The following GSE1 variants were observed in gnomAD, a reference collection of about 807,000 sequenced individuals.
GSE1 encodes Gse1 coiled-coil protein, also known as genetic suppressor element 1.
In GSE1, 32 loss-of-function variants were observed where a neutral mutation model predicts 112.6. The ratio of observed to expected loss-of-function variants is 0.28; its 90% CI spans 0.21 to 0.38. The LOEUF (loss-of-function observed/expected upper bound fraction) is 0.38, where lower values mean the gene tolerates loss of function less well. GSE1 is among the 10% of genes least tolerant of loss of function. The pLI is 1.00. For synonymous variants in GSE1, 1,115 were observed against 735.6 expected (o/e 1.52, Z -8.35); for missense variants, 2,348 against 1,699.2 (o/e 1.38, Z -6.71).
intron 1 of GSE1, among the ~76,000 whole-genome samples, chr16:85,309,485 C>T (rs2045770981): frequency 1.4e-5 from 2 of 147,102 alleles, no homozygotes; most frequent in South Asian, 2.4e-4. Context: ...CAGAGCCAGA[C>T]CCTGTCTCTA....
intron 1 of GSE1, among the ~76,000 whole-genome samples, chr16:85,337,307 C>CT (rs750709031): frequency 0.073 from 9,720 of 133,446 alleles, 401 homozygotes; most frequent in African/African-American, 0.086. Flanking sequence ...CTTTTCTTTT[C>CT]TTTTTTTTTT....
intron 1 of GSE1, among the ~76,000 whole-genome samples, chr16:85,281,147 C>T (rs1386320404): frequency 6.6e-6 from 1 of 152,204 alleles, no homozygotes; most frequent in Non-Finnish European, 1.5e-5. Context: ...ATCACCTCCA[C>T]AAAGCCTTAG....
chr16:85,562,592 G>A (rs1055394845), intron 1 of GSE1, among the ~76,000 whole-genome samples: 5 of 152,232 alleles, frequency 3.3e-5, no homozygotes, highest in East Asian at 1.9e-4. Flanking sequence ...GGGTGGGAGC[G>A]GCAGGTGGCC....
At chr16:85,589,334 G>C (rs2046861074) in intron 1 of GSE1, among the ~76,000 whole-genome samples, 1 of 152,210 alleles carries the variant, frequency 6.6e-6, no homozygotes, top group Non-Finnish European at 1.5e-5. Context: ...CAGGTGGAGA[G>C]GGAGAGGGCT....
At chr16:85,522,779 G>A (rs1370418586) in intron 2 of GSE1, among the ~76,000 whole-genome samples, 1 of 152,102 alleles carries the variant, frequency 6.6e-6, no homozygotes, top group African/African-American at 2.4e-5. Context: ...GTAAATGGGT[G>A]TGTGCATGTG....
rs533408587 is a variant in GSE1, at chr16:85,252,883, G to A, written c.2283+81076G>A. ...GCCTCAGTTTGGCTGCCTGTAATGT[G>A]GGATGACCACAGGCTCGGCTCCCTT... On this transcript the variant is annotated intron_variant, in intron 1 of 2. Coordinates refer to the GSE1 transcript ENST00000637419. Among the ~76,000 whole-genome samples the A allele has an allele frequency of 2.6e-5, 4 of 152,336 alleles. No individual in the cohort carries two copies. In the South Asian group the frequency reaches 8.3e-4, roughly 32 times the overall value.
chr16:85,519,385 C>A (rs1598042625), intron 2 of GSE1, among the ~76,000 whole-genome samples: 1 of 86,104 alleles, frequency 1.2e-5, no homozygotes, highest in East Asian at 6.2e-4. Flanking sequence ...ATCATCATCA[C>A]CTTCACCACC....
In GSE1 at chr16:85,327,874, G is replaced by A. The variant is rs117252647; in HGVS notation, c.2284-29589G>A. Reference sequence around the variant, plus strand: ...ACAGCCTGTCATATACAGGCTATTTGGGAGGATGTTGTCTTTCCTCCTTGA... The same window carrying A: ...ACAGCCTGTCATATACAGGCTATTTAGGAGGATGTTGTCTTTCCTCCTTGA... On this transcript the variant is annotated intron_variant, in intron 1 of 2. Transcript: ENST00000637419. 2.8e-3 allele frequency among the ~76,000 whole-genome samples: 432 copies of A among 152,238 alleles called. 2 individuals are homozygous for A. The highest frequency in any genetic ancestry group is 5.0e-3 in the Admixed American group (77 of 15,302).
chr16:85,257,052 G>A (rs35412209), intron 1 of GSE1, among the ~76,000 whole-genome samples: 14,264 of 152,224 alleles, frequency 0.094, 710 homozygotes, highest in Middle Eastern at 0.17. Context: ...ACATAGGGAG[G>A]TTGAAGAGAT....
intron 2 of GSE1, among the ~76,000 whole-genome samples, chr16:85,491,112 G>A (rs547209825): frequency 5.8e-4 from 89 of 152,318 alleles, no homozygotes; most frequent in African/African-American, 2.0e-3. Flanking sequence ...AAGCCCTGTC[G>A]CAGGGGGCGG....
intron 2 of GSE1, among the ~76,000 whole-genome samples, chr16:85,388,292 G>GGATGGA (rs2047740407): frequency 2.1e-5 from 1 of 47,628 alleles, no homozygotes; most frequent in African/African-American, 9.2e-5. Flanking sequence ...GGATGGGTGG[G>GGATGGA]TGGATGGATG....
chr16:85,511,445 T>A (rs1040048110), intron 2 of GSE1, among the ~76,000 whole-genome samples: 2 of 151,832 alleles, frequency 1.3e-5, no homozygotes, highest in African/African-American at 2.4e-5. Flanking sequence ...GGAGAATCGC[T>A]TGAACCCAGG....
At chr16:85,228,266 G>A (rs541730060) in intron 1 of GSE1, among the ~76,000 whole-genome samples, 34 of 152,370 alleles carry the variant, frequency 2.2e-4, no homozygotes, top group South Asian at 6.2e-4. Context: ...GCTTTGCGAC[G>A]GGTTTGTTTG....
chr16:85,463,014 C>G (rs903906762), intron 2 of GSE1: 2 of 781,278 alleles, frequency 2.6e-6, no homozygotes, highest in Non-Finnish European at 3.1e-6. Context: ...CTGCTCGCCT[C>G]CGCCGCGGGC....
At chr16:85,279,535 G>A (rs942539854) in intron 1 of GSE1, among the ~76,000 whole-genome samples, 2 of 152,178 alleles carry the variant, frequency 1.3e-5, no homozygotes, top group Non-Finnish European at 2.9e-5. Context: ...GGTGGAGGTT[G>A]CAGTGAGTCA....
chr16:85,222,322 C>G (rs1296465711), intron 1 of GSE1, among the ~76,000 whole-genome samples: 1 of 152,234 alleles, frequency 6.6e-6, no homozygotes, highest in African/African-American at 2.4e-5. Context: ...GCACGGCTCT[C>G]CAGCCCAGGC....
chr16:85,657,369 A>G lies in GSE1; in HGVS notation c.1405A>G (p.Ile469Val), dbSNP rs1027490627. 6 of 1,612,258 alleles carry G rather than the reference A, an allele frequency of 3.7e-6. No homozygotes were observed. The African/African-American group carries it at 8.0e-5, about 22-fold the overall frequency. The stretch of plus-strand genomic sequence containing the variant: ...CCCACACCACACGGTGCCCAGCCTC[A>G]TCTCCAACCATGGCATCTTCTCTCT... ...PTPHHTVPSL[I>V]SNHGIFSLPS... The change falls in exon 8 of 16, where the codon ATC becomes GTC. Residue 469 changes from isoleucine to valine, a missense_variant. Physicochemically the swap from Ile to Val is conservative, Grantham distance 29. Transcript: ENST00000253458.
In GSE1 at chr16:85,673,411, GGTTTGGGGGATTTTTGTTTGTTTTTCCT is replaced by G. The variant is rs2053495032; in HGVS notation, c.*882_*909del. 6.6e-6 allele frequency: 1 copy of G among 151,300 alleles called. No individual in the cohort carries two copies. The highest frequency in any genetic ancestry group is 6.6e-5 in the Admixed American group (1 of 15,188). 9.4% of individuals were successfully genotyped at this position (151,300 alleles called of 1,614,324 possible). A position where few individuals can be genotyped will look rare whatever the true frequency, so the allele number is the denominator to read the frequency against. ...AAAAAGCCTGCCATTTTTAATATGT[GGTTTGGGGGATTTTTGTTTGTTTTTCCT>G]GTTTGGGGGTTTTGTTTGTTGTTTT... On this transcript the variant is annotated 3_prime_UTR_variant, in exon 16 of 16. Coordinates refer to ENST00000253458, the MANE Select transcript of GSE1 (RefSeq NM_014615.5).
At chr16:85,205,606 C>G (rs2075101288) in intron 1 of GSE1, among the ~76,000 whole-genome samples, 1 of 151,938 alleles carries the variant, frequency 6.6e-6, no homozygotes. Context: ...CCCCACAGCC[C>G]CTCTTTGGCT....
Sources: allele counts gnomAD v4.1 joint callset (sites outside exome capture counted in the v4.1 genomes callset), GRCh38; gene constraint gnomAD v4.1.1; transcripts MANE v1.5; gene names NCBI Gene and HGNC (gene_info 2026-07-23, HGNC 2026-07-21).